Variants in TBC1D25 observed in about 807,000 individuals in gnomAD.
TBC1D25 encodes TBC1 domain family member 25, also known as 5SN3 snoRNA.
Under a neutral mutation model 38.8 loss-of-function variants are expected in TBC1D25, and 13 were observed. The observed-to-expected ratio is 0.34, with a 90% CI of 0.22 to 0.53. TBC1D25 has a LOEUF of 0.53. Ranked by LOEUF, TBC1D25 falls within the 20% of genes least tolerant of loss-of-function variation. TBC1D25 has a pLI of 0.94. For missense variants in TBC1D25, 372 were observed against 600.0 expected (o/e 0.62, Z 3.97); for synonymous variants, 225 against 255.6 (o/e 0.88, Z 1.14).
At chrX:48,558,820 A>G in intron 3 of TBC1D25, 77 bp from the exon 4 acceptor site, 1 of 1,165,307 alleles carries the variant, frequency 8.6e-7, no homozygotes, top group Non-Finnish European at 1.2e-6. Context: ...GCCCGGCTTC[A>G]GTAGAAGGAG....
intron 3 of TBC1D25, among the ~76,000 whole-genome samples, chrX:48,546,137 C>T (rs1406165520): frequency 1.9e-5 from 2 of 104,041 alleles, no homozygotes; most frequent in African/African-American, 7.1e-5. Context: ...CGCTTGAACC[C>T]GAAAAGCAGA....
At position 48,558,991 on chromosome X, in the gene TBC1D25, C is replaced by T; in HGVS notation, c.483C>T (p.Ala161=). Residue 161 remains alanine, a synonymous_variant, in exon 4 of 6, where the codon GCC becomes GCT. Transcript: ENST00000376771. ...AGAAACGGTCATCACTGACGACTGC[C>T]GCCCTGCCCTTTACACAGTCCATCC... ...LAEKRSSLTT[A]ALPFTQSILT... 2 of 1,211,748 alleles carry T rather than the reference C, an allele frequency of 1.7e-6. No homozygotes were observed. The highest frequency in any genetic ancestry group is 1.8e-5 in the South Asian group (1 of 56,972).
chrX:48,545,670 C>T (rs782437769), intron 3 of TBC1D25, among the ~76,000 whole-genome samples: 1 of 112,207 alleles, frequency 8.9e-6, no homozygotes, highest in East Asian at 2.8e-4. Context: ...ACAGACCATA[C>T]ATTAGATAAT....
intron 3 of TBC1D25, among the ~76,000 whole-genome samples, chrX:48,553,852 G>A (rs1209447089): frequency 9.3e-6 from 1 of 107,647 alleles, no homozygotes; most frequent in African/African-American, 3.3e-5. Flanking sequence ...TTGAACTCTC[G>A]GGCTCAAGCA....
At chrX:48,543,217 C>G (rs1262594360) in intron 2 of TBC1D25, among the ~76,000 whole-genome samples, 4 of 109,937 alleles carry the variant, frequency 3.6e-5, no homozygotes, top group Non-Finnish European at 7.6e-5. Context: ...GTGGTATTGC[C>G]AGGTAAAAGG....
intron 1 of TBC1D25, 70 bp downstream of exon 1, chrX:48,539,990 G>C (rs2061825630): frequency 3.1e-5 from 29 of 938,645 alleles, no homozygotes; most frequent in Non-Finnish European, 3.8e-5. Flanking sequence ...GGCTGTCATA[G>C]GATGGAGGGC....
At chrX:48,559,482 C>T (rs986112245) in intron 5 of TBC1D25, 132 bp from the exon 6 acceptor site, 6 of 1,061,117 alleles carry the variant, frequency 5.7e-6, no homozygotes, top group East Asian at 3.3e-5. Context: ...TAAGGAGGGG[C>T]GAGCAGTCGG....
intron 2 of TBC1D25, among the ~76,000 whole-genome samples, chrX:48,542,714 C>T (rs782730812): frequency 1.6e-4 from 18 of 110,313 alleles, no homozygotes; most frequent in Non-Finnish European, 3.2e-4. Flanking sequence ...CCGCCCACCT[C>T]GGCCTCCCAA....
intron 3 of TBC1D25, among the ~76,000 whole-genome samples, chrX:48,546,685 A>G (rs2061889588): frequency 8.9e-6 from 1 of 111,981 alleles, no homozygotes. Flanking sequence ...GCAGTGTGGT[A>G]GTGGTATCAT....
chrX:48,553,199 A>G (rs2147185648), intron 3 of TBC1D25, among the ~76,000 whole-genome samples: 1 of 109,234 alleles, frequency 9.2e-6, no homozygotes, highest in African/African-American at 3.3e-5. Context: ...CAAACCCCCA[A>G]TCATGTTATC....
intron 2 of TBC1D25, among the ~76,000 whole-genome samples, chrX:48,543,952 G>A (rs781937777): frequency 1.1e-3 from 118 of 109,881 alleles, no homozygotes; most frequent in African/African-American, 3.5e-3. Flanking sequence ...TCACACCCTC[G>A]CAAACATTGG....
intron 3 of TBC1D25, among the ~76,000 whole-genome samples, chrX:48,557,881 C>T (rs981728654): frequency 2.7e-5 from 3 of 110,105 alleles, no homozygotes; most frequent in Non-Finnish European, 5.7e-5. Flanking sequence ...TAGGCCAAGG[C>T]GAGTGGATCA....
At chrX:48,548,718 A>G (rs1219867937) in intron 3 of TBC1D25, among the ~76,000 whole-genome samples, 1 of 111,807 alleles carries the variant, frequency 8.9e-6, no homozygotes, top group Non-Finnish European at 1.9e-5. Context: ...TTGATGTGTA[A>G]CTTTGCATGT....
At chrX:48,545,821 C>T (rs2061878825) in intron 3 of TBC1D25, among the ~76,000 whole-genome samples, 1 of 111,915 alleles carries the variant, frequency 8.9e-6, no homozygotes, top group South Asian at 3.7e-4. Context: ...GATCAAGGTG[C>T]TGGCAGGTTG....
intron 2 of TBC1D25, 26 bp downstream of exon 2, chrX:48,541,468 G>C: frequency 8.5e-7 from 1 of 1,180,596 alleles, no homozygotes; most frequent in African/African-American, 1.7e-5. Context: ...CTGGGGACTG[G>C]CCAGTGGGCC....
At chrX:48,558,781 A>G in intron 3 of TBC1D25, 116 bp from the exon 4 acceptor site, 1 of 960,651 alleles carries the variant, frequency 1.0e-6, no homozygotes, top group Non-Finnish European at 1.4e-6. Context: ...AGGAAGAGGG[A>G]CTGGGAGTTG....
intron 1 of TBC1D25, among the ~76,000 whole-genome samples, chrX:48,540,140 C>T (rs1380368262): frequency 9.3e-6 from 1 of 107,284 alleles, no homozygotes; most frequent in Non-Finnish European, 1.9e-5. Context: ...AGGGACGAGG[C>T]GGGGGTCTAT....
chrX:48,559,528 A>AG (rs1279870150), intron 5 of TBC1D25, 86 bp from the exon 6 acceptor site: 8 of 829,168 alleles, frequency 9.6e-6, no homozygotes, highest in Admixed American at 7.4e-5. Flanking sequence ...CAGAGGCCCA[A>AG]GGGGGGTGGG....
chrX:48,542,248 A>G (rs1313516542), intron 2 of TBC1D25, among the ~76,000 whole-genome samples: 1 of 98,853 alleles, frequency 1.0e-5, no homozygotes, highest in Non-Finnish European at 2.0e-5. Flanking sequence ...AGCTCACTGC[A>G]ACCTCCGCTT....
Sources: allele counts gnomAD v4.1 joint callset (sites outside exome capture counted in the v4.1 genomes callset), GRCh38; gene constraint gnomAD v4.1.1; transcripts MANE v1.5; gene names NCBI Gene and HGNC (gene_info 2026-07-23, HGNC 2026-07-21).